The following LRRC63 variants were observed in gnomAD, a reference collection of about 807,000 sequenced individuals.
LRRC63 encodes leucine-rich repeat-containing protein 63.
A neutral mutation model predicts 49.5 loss-of-function variants in LRRC63; 40 were observed. That is an observed-to-expected ratio of 0.81 (90% CI 0.63 to 1.05). LRRC63 has a LOEUF of 1.05. LRRC63 is among the 50% of genes least tolerant of loss of function. LRRC63 has a pLI of 0.00. For missense variants in LRRC63, 636 were observed against 663.1 expected (o/e 0.96, Z 0.45); for synonymous variants, 191 against 221.1 (o/e 0.86, Z 1.21).
intron 7 of LRRC63, among the ~76,000 whole-genome samples, chr13:46,261,594 A>T (rs2047615164): frequency 1.3e-5 from 2 of 152,160 alleles, no homozygotes; most frequent in South Asian, 4.1e-4. Context: ...TGTTACTTTA[A>T]GCCACCCAGA....
chr13:46,274,264 A>G (rs1278268998), intron 9 of LRRC63, among the ~76,000 whole-genome samples: 1 of 152,166 alleles, frequency 6.6e-6, no homozygotes, highest in African/African-American at 2.4e-5. Context: ...AAAAATGACA[A>G]AGGGTTCAAT....
intron 5 of LRRC63, among the ~76,000 whole-genome samples, chr13:46,243,887 T>C (rs76194326): frequency 0.029 from 4,454 of 152,268 alleles, 304 homozygotes; most frequent in East Asian, 0.27. Context: ...AAAGAATAAA[T>C]CTTATATCAC....
At chr13:46,228,264 G>A in intron 3 of LRRC63, 75 bp downstream of exon 3, 1 of 1,140,752 alleles carries the variant, frequency 8.8e-7, no homozygotes, top group Non-Finnish European at 1.2e-6. Context: ...CAAGCTAATG[G>A]TACCCCTCCC....
At chr13:46,227,630 C>T in exon 3 of LRRC63, 1 of 1,550,126 alleles carries the variant, frequency 6.5e-7, no homozygotes, top group Non-Finnish European at 8.7e-7. Context: ...TAACACCTAT[C>T]AATATCCAAA....
At chr13:46,264,364 T>C (rs1211643724) in intron 8 of LRRC63, among the ~76,000 whole-genome samples, 1 of 152,218 alleles carries the variant, frequency 6.6e-6, no homozygotes, top group African/African-American at 2.4e-5. Context: ...GCCTATTGTT[T>C]ACATGTTAGG....
At chr13:46,229,133 CAATT>C (rs1241270395) in intron 4 of LRRC63, among the ~76,000 whole-genome samples, 7 of 152,042 alleles carry the variant, frequency 4.6e-5, no homozygotes, top group African/African-American at 1.7e-4. Flanking sequence ...AAATAATTCA[CAATT>C]ACCAGGCACA....
chr13:46,271,767 A>G (rs1416975457), intron 9 of LRRC63, among the ~76,000 whole-genome samples: 1 of 151,830 alleles, frequency 6.6e-6, no homozygotes, highest in African/African-American at 2.4e-5. Context: ...ATAGTTTAAG[A>G]TCAGTTAACA....
intron 9 of LRRC63, among the ~76,000 whole-genome samples, chr13:46,272,048 G>T (rs751292816): frequency 6.6e-6 from 1 of 152,112 alleles, no homozygotes; most frequent in East Asian, 1.9e-4. Context: ...TAAAATAAGG[G>T]TTACCTAAAC....
In LRRC63 at chr13:46,266,645, C is replaced by CA; in HGVS notation, c.1311-86dup. 3.5e-6 allele frequency: 4 copies of CA among 1,132,288 alleles called. No homozygotes were observed. In the South Asian group the frequency reaches 7.1e-5, roughly 20 times the overall value. 70.1% of individuals were successfully genotyped at this position (1,132,288 alleles called of 1,614,324 possible). A position where few individuals can be genotyped will look rare whatever the true frequency, so the allele number is the denominator to read the frequency against. The stretch of plus-strand genomic sequence containing the variant: ...TATTTTATTGGTACTAGTTTGATGC[C>CA]AATTTTCATGAACAATTGAGGCAGA... On this transcript the variant is annotated intron_variant, in intron 8 of 9. Coordinates refer to ENST00000595396, the Ensembl canonical transcript of LRRC63.
At chr13:46,250,597 A>G in intron 7 of LRRC63, 106 bp downstream of exon 7, 1 of 940,462 alleles carries the variant, frequency 1.1e-6, no homozygotes, top group Non-Finnish European at 1.6e-6. Context: ...CTATTTAGTA[A>G]TTTGTATTCT....
intron 2 of LRRC63, among the ~76,000 whole-genome samples, chr13:46,217,902 T>C (rs1294251827): frequency 1.3e-5 from 2 of 152,198 alleles, no homozygotes; most frequent in Non-Finnish European, 2.9e-5. Context: ...TCAGTTTCCA[T>C]GTAGTTGTGC....
At chr13:46,219,881 G>A (rs1368647002) in intron 2 of LRRC63, among the ~76,000 whole-genome samples, 1 of 152,136 alleles carries the variant, frequency 6.6e-6, no homozygotes, top group African/African-American at 2.4e-5. Context: ...GTCTGCTGGA[G>A]TTTGCTGAAG....
chr13:46,216,133 G>GT (rs1272207222), intron 2 of LRRC63, among the ~76,000 whole-genome samples: 2 of 152,172 alleles, frequency 1.3e-5, no homozygotes, highest in Non-Finnish European at 2.9e-5. Context: ...ATTTAAAGTA[G>GT]TTTTTTCTAA....
chr13:46,253,441 ATATAAAACATTC>A lies in LRRC63; in HGVS notation c.1226+2953_1226+2964del, dbSNP rs1216168468. Among the ~76,000 whole-genome samples, 3 of 152,214 alleles carry A rather than the reference ATATAAAACATTC, an allele frequency of 2.0e-5. No homozygotes were observed. The East Asian group carries it at 5.8e-4, about 29-fold the overall frequency. The stretch of plus-strand genomic sequence containing the variant: ...CCATAATAAATATATGAATATATAA[ATATAAAACATTC>A]TAAGGGCTTTGACTGAAAAGAACAA... On this transcript the variant is annotated intron_variant, in intron 7 of 9. Transcript: ENST00000595396.
At chr13:46,241,172 A>AC (rs1419767675) in intron 5 of LRRC63, among the ~76,000 whole-genome samples, 1 of 152,212 alleles carries the variant, frequency 6.6e-6, no homozygotes, top group Non-Finnish European at 1.5e-5. Context: ...AAGGCTGCAT[A>AC]CCTACAACTA....
At chr13:46,237,790 G>C (rs1019879204) in intron 5 of LRRC63, among the ~76,000 whole-genome samples, 1 of 151,528 alleles carries the variant, frequency 6.6e-6, no homozygotes, top group African/African-American at 2.4e-5. Context: ...AAAATGAAGG[G>C]GATTGTAAGA....
At chr13:46,223,293 A>C (rs1441563456) in intron 2 of LRRC63, among the ~76,000 whole-genome samples, 1 of 152,076 alleles carries the variant, frequency 6.6e-6, no homozygotes, top group Non-Finnish European at 1.5e-5. Flanking sequence ...GTTGTTGAAG[A>C]TCAGTTGGCT....
At chr13:46,239,330 A>G (rs1441325951) in intron 5 of LRRC63, among the ~76,000 whole-genome samples, 2 of 152,164 alleles carry the variant, frequency 1.3e-5, no homozygotes, top group African/African-American at 4.8e-5. Context: ...ACAATAATAA[A>G]AATAACCATC....
At chr13:46,269,078 G>A (rs116437046) in intron 9 of LRRC63, among the ~76,000 whole-genome samples, 1,623 of 152,036 alleles carry the variant, frequency 0.011, 28 homozygotes, top group African/African-American at 0.036. Flanking sequence ...CTAAAAACAC[G>A]TTATCCCCAA....
Sources: allele counts gnomAD v4.1 joint callset (sites outside exome capture counted in the v4.1 genomes callset), GRCh38; gene constraint gnomAD v4.1.1; transcripts MANE v1.5; gene names NCBI Gene and HGNC (gene_info 2026-07-23, HGNC 2026-07-21).